ATXN2: variants seen among roughly 807,000 people sequenced by gnomAD.
The protein encoded by ATXN2 is ataxin-2.
Under a neutral mutation model 138.6 loss-of-function variants are expected in ATXN2, and 37 were observed. That is an observed-to-expected ratio of 0.27 (90% CI 0.21 to 0.35). The LOEUF is 0.35. ATXN2 is among the 10% of genes least tolerant of loss of function. The probability of loss-of-function intolerance (pLI) is 1.00; values close to 1 mark genes in which losing one functional copy is unlikely to be tolerated. For missense variants in ATXN2, 1,216 were observed against 1,480.3 expected, an observed-to-expected ratio of 0.82 and a Z score of 2.93; for synonymous variants, 549 against 543.7, an observed-to-expected ratio of 1.01 and a Z score of -0.13.
At chr12:111,492,104 G>A (rs765042484) in intron 14 of ATXN2, among the ~76,000 whole-genome samples, 18 of 152,116 alleles carry the variant, frequency 1.2e-4, no homozygotes, top group Non-Finnish European at 2.6e-4. Flanking sequence ...ACCAAGTACA[G>A]TTCCAGTGAC....
At chr12:111,562,245 G>T (rs1882732683) in intron 1 of ATXN2, among the ~76,000 whole-genome samples, 1 of 152,040 alleles carries the variant, frequency 6.6e-6, no homozygotes, top group African/African-American at 2.4e-5. Context: ...ACCATCCTGA[G>T]CAACTTCGCA....
upstream of ATXN2, chr12:111,599,612 G>C (rs916816099): frequency 3.7e-6 from 4 of 1,079,422 alleles, no homozygotes; most frequent in African/African-American, 6.8e-5. Flanking sequence ...AGAACGTGAG[G>C]TGGCCCCGGG....
chr12:111,520,100 CA>C (rs1237083313), intron 7 of ATXN2, 24 bp from the exon 8 acceptor site: 1 of 1,607,694 alleles, frequency 6.2e-7, no homozygotes. Context: ...AAAAGAAAAG[CA>C]AAATGAGTCC....
Position 111,586,510 on chromosome 12 carries a change from C to T in ATXN2, c.251+12274G>A, listed in dbSNP as rs560471507. Among the ~76,000 whole-genome samples, 5 of 151,868 alleles carry T rather than the reference C, an allele frequency of 3.3e-5. 1 individual carries two copies. The highest frequency in any genetic ancestry group is 2.1e-4 in the South Asian group (1 of 4,784). ...AAGCAATTCTCCTGCCTCAGCCTCCCGAGTAGCTGGGACTACAGGCACACA... is the reference window on the plus strand; with the variant it reads ...AAGCAATTCTCCTGCCTCAGCCTCCTGAGTAGCTGGGACTACAGGCACACA... On this transcript the variant is annotated intron_variant, in intron 1 of 24. Coordinates refer to ENST00000673436, the MANE Select transcript of ATXN2 (RefSeq NM_001372574.1).
intron 6 of ATXN2, 42 bp from the exon 7 acceptor site, chr12:111,521,015 T>A (rs915516186): frequency 1.6e-6 from 2 of 1,285,196 alleles, no homozygotes; most frequent in African/African-American, 2.9e-5. Context: ...GTCAAAGTAG[T>A]TGTTCCCTTT....
chr12:111,590,117 G>A (rs1392617993), intron 1 of ATXN2, among the ~76,000 whole-genome samples: 1 of 152,074 alleles, frequency 6.6e-6, no homozygotes, highest in Non-Finnish European at 1.5e-5. Context: ...AGGAGGCTGA[G>A]GCAGGAGAAT....
Position 111,598,986 on chromosome 12 carries a change from G to T in ATXN2, c.49C>A (p.Gln17Lys), listed in dbSNP as rs1433516834. 6.8e-7 allele frequency: 1 copy of T among 1,464,794 alleles called. No individual in the cohort carries two copies. The highest frequency in any genetic ancestry group is 2.3e-4 in the Middle Eastern group (1 of 4,372). The allele number at this position is 1,464,794 out of a possible 1,614,324, so 90.7% of individuals were successfully genotyped here. The change falls in exon 1 of 25, where the codon CAG (glutamine) becomes AAG (lysine). Residue 17 changes from glutamine to lysine, a missense_variant. Physicochemically the swap from Gln to Lys is moderately conservative, Grantham distance 53. Coordinates refer to ENST00000673436, the MANE Select transcript of ATXN2 (RefSeq NM_001372574.1). The surrounding 1 kb of genome is among the most constrained non-coding windows in gnomAD (Gnocchi z 4.5). ...TGCTGCTGCTGCTGCTGTTGCTGCT[G>T]CTGCTGCTGCTGCTGCTGCTGCTGC... ...QQQQQQQQQQ[Q>K]QQQQQQQQQQ...
chr12:111,551,447 T>A (rs1798924229), intron 5 of ATXN2, among the ~76,000 whole-genome samples: 1 of 152,204 alleles, frequency 6.6e-6, no homozygotes. Context: ...AGACTAAATT[T>A]TTAATATAAC....
In ATXN2 at chr12:111,547,901, G is replaced by A. The variant is rs191991740; in HGVS notation, c.571+4379C>T. Among the ~76,000 whole-genome samples the A allele has an allele frequency of 2.8e-3, 387 of 137,368 alleles. 1 individual carries two copies. The highest frequency in any genetic ancestry group is 0.01 in the African/African-American group (361 of 35,668). The allele number at this position is 137,368 out of a possible 152,430, so 90.1% of individuals were successfully genotyped here. ...TGTGGAGAAATCCTTTAACAACCATGGAACTTACTGGCTGGGCACAGTGGT... is the reference window on the plus strand; with the variant it reads ...TGTGGAGAAATCCTTTAACAACCATAGAACTTACTGGCTGGGCACAGTGGT... On this transcript the variant is annotated intron_variant, in intron 5 of 24. Transcript: ENST00000673436.
intron 5 of ATXN2, among the ~76,000 whole-genome samples, chr12:111,549,379 A>G (rs1451331084): frequency 2.6e-5 from 4 of 152,066 alleles, no homozygotes; most frequent in Non-Finnish European, 5.9e-5. Flanking sequence ...TACAAACAAA[A>G]AAAAAAATTA....
Position 111,507,811 on chromosome 12 carries a change from T to C in ATXN2, c.1935+1738A>G, listed in dbSNP as rs189945666. Reference sequence around the variant, plus strand: ...ATGGTAGACTTTTCATTTTGTTCTGTACTAAGAAAGATTCTTCTGCCTTGG... The same window carrying C: ...ATGGTAGACTTTTCATTTTGTTCTGCACTAAGAAAGATTCTTCTGCCTTGG... On this transcript the variant is annotated intron_variant, in intron 14 of 24. Coordinates refer to ENST00000673436, the MANE Select transcript of ATXN2 (RefSeq NM_001372574.1). 1.4e-3 allele frequency among the ~76,000 whole-genome samples: 219 copies of C among 152,388 alleles called. 1 individual carries two copies. Among genetic ancestry groups the C allele is most frequent in the Non-Finnish European group, 2.6e-3 (178 of 68,044 alleles).
chr12:111,553,816 G>T (rs946456963), intron 3 of ATXN2, among the ~76,000 whole-genome samples: 1 of 151,830 alleles, frequency 6.6e-6, no homozygotes, highest in Non-Finnish European at 1.5e-5. Flanking sequence ...GCCCAGGCTG[G>T]TCTTAAACTT....
At chr12:111,573,964 T>C (rs1728869888) in intron 1 of ATXN2, among the ~76,000 whole-genome samples, 1 of 151,194 alleles carries the variant, frequency 6.6e-6, no homozygotes, top group South Asian at 2.1e-4. Flanking sequence ...ATAGAAAAAA[T>C]TTAATAATAA....
rs1282789130 is a variant in ATXN2, at chr12:111,576,081, TTAAAA to T, written c.252-20167_252-20163del. Reference sequence around the variant, plus strand: ...TGGGCGACAAGAGACAAACTCTGTCTTAAAATAACATAACATAACATAACATAACA... The same window carrying T: ...TGGGCGACAAGAGACAAACTCTGTCTTAACATAACATAACATAACATAACA... On this transcript the variant is annotated intron_variant, in intron 1 of 24. Coordinates refer to ENST00000673436, the MANE Select transcript of ATXN2 (RefSeq NM_001372574.1). 2.3e-5 allele frequency among the ~76,000 whole-genome samples: 3 copies of T among 130,710 alleles called. No homozygotes were observed. The East Asian group carries it at 1.4e-3, about 62-fold the overall frequency. 85.8% of individuals were successfully genotyped at this position (130,710 alleles called of 152,430 possible).
chr12:111,455,028 TGTGGAAC>T (rs1337606673), intron 23 of ATXN2: 1 of 702,956 alleles, frequency 1.4e-6, no homozygotes, highest in East Asian at 2.7e-5. Context: ...TTCCCAGAGC[TGTGGAAC>T]TCTACTTACA....
At chr12:111,574,396 C>G (rs1486181645) in intron 1 of ATXN2, among the ~76,000 whole-genome samples, 1 of 149,508 alleles carries the variant, frequency 6.7e-6, no homozygotes. Flanking sequence ...AATTCCGTAT[C>G]TGTCACAAAT....
At chr12:111,555,832 T>A (rs371756221) in intron 2 of ATXN2, 51 bp downstream of exon 2, 8 of 1,477,596 alleles carry the variant, frequency 5.4e-6, no homozygotes, top group African/African-American at 1.4e-5. Flanking sequence ...TGGTTAGAGA[T>A]CATGTTTTAG....
At chr12:111,576,085 A>AATAACGTAACATAAC (rs1555243055) in intron 1 of ATXN2, among the ~76,000 whole-genome samples, 2 of 123,390 alleles carry the variant, frequency 1.6e-5, no homozygotes, top group Admixed American at 1.7e-4. Flanking sequence ...TCTGTCTTAA[A>AATAACGTAACATAAC]ATAACATAAC....
chr12:111,492,302 G>A (rs1393121163), intron 14 of ATXN2, among the ~76,000 whole-genome samples: 1 of 152,176 alleles, frequency 6.6e-6, no homozygotes, highest in Non-Finnish European at 1.5e-5. Context: ...ACTAGTCTTG[G>A]GGTGCCCTCT....
Sources: gnomAD v4.1 joint callset for allele counts (sites outside exome capture counted in the v4.1 genomes callset) on GRCh38, gnomAD v4.1.1 for gene constraint, Gnocchi (gnomAD v3.1) non-coding constraint, MANE v1.5 for transcripts, NCBI Gene and HGNC (gene_info 2026-07-23, HGNC 2026-07-21) for gene names.